The following USH2A variants were observed in gnomAD, a reference collection of about 807,000 sequenced individuals.
USH2A encodes the protein Usher syndrome 2A (autosomal recessive, mild).
USH2A carries 443 observed loss-of-function variants against 538.9 expected under a neutral mutation model. The ratio of observed to expected loss-of-function variants is 0.82; its 90% CI spans 0.76 to 0.89. The LOEUF is 0.89. Ranked by LOEUF, USH2A falls within the 40% of genes least tolerant of loss-of-function variation. The pLI is 0.00. For synonymous variants in USH2A, 2,413 were observed against 2,273.5 expected, an observed-to-expected ratio of 1.06 and a Z score of -1.75; for missense variants, 6,633 against 6,324.8, an observed-to-expected ratio of 1.05 and a Z score of -1.65.
chr1:216,335,223 G>T (rs1229812051), intron 4 of USH2A, among the ~76,000 whole-genome samples: 1 of 151,470 alleles, frequency 6.6e-6, no homozygotes, highest in Non-Finnish European at 1.5e-5. Context: ...ATTACAAAAA[G>T]ATTTAAAAAT....
rs544931556 is a variant in USH2A at position 216,382,149 on chromosome 1, AAAT to A, written c.652-17067_652-17065del. Among the ~76,000 whole-genome samples, 1,056 of 152,284 alleles carry A rather than the reference AAAT, an allele frequency of 6.9e-3. 9 individuals are homozygous for A. Among genetic ancestry groups the A allele is most frequent in the African/African-American group, 0.024 (1,011 of 41,552 alleles). ...GCCGAGCCCTGAAGGGAACAACACTAAATAAGGTAAAATTCTTGATCTAAAAGT... is the reference window on the plus strand; with the variant it reads ...GCCGAGCCCTGAAGGGAACAACACTAAAGGTAAAATTCTTGATCTAAAAGT... On this transcript the variant is annotated intron_variant, in intron 3 of 71. Transcript: ENST00000307340.
At chr1:216,200,251 C>G in intron 16 of USH2A, 130 bp from the exon 17 acceptor site, 1 of 991,034 alleles carries the variant, frequency 1.0e-6, no homozygotes, top group Non-Finnish European at 1.4e-6. Context: ...ATTAAGGATA[C>G]ATTTCATATT....
intron 32 of USH2A, among the ~76,000 whole-genome samples, chr1:216,044,235 G>A (rs72744694): frequency 0.051 from 7,704 of 152,192 alleles, 278 homozygotes; most frequent in South Asian, 0.089. Flanking sequence ...TGTGTCACAC[G>A]TGGGGAGCAA....
At chr1:216,117,851 G>GAT (rs71159902) in intron 21 of USH2A, among the ~76,000 whole-genome samples, 52,520 of 148,538 alleles carry the variant, frequency 0.35, 10,108 homozygotes, top group East Asian at 0.73. Context: ...TACACACACA[G>GAT]ATATATATAT....
chr1:215,799,774 C>T (rs940470061), intron 49 of USH2A, among the ~76,000 whole-genome samples: 10 of 151,952 alleles, frequency 6.6e-5, no homozygotes, highest in Non-Finnish European at 1.0e-4. Context: ...TAACTTGAGG[C>T]CAGGAGTTCA....
At chr1:215,803,661 A>G (rs1662405394) in intron 49 of USH2A, among the ~76,000 whole-genome samples, 1 of 152,228 alleles carries the variant, frequency 6.6e-6, no homozygotes, top group South Asian at 2.1e-4. Context: ...AGAACATTCC[A>G]TGCTCATGGG....
At chr1:216,073,330 T>C in intron 27 of USH2A, 30 bp from the exon 28 acceptor site, 2 of 1,528,158 alleles carry the variant, frequency 1.3e-6, no homozygotes, top group South Asian at 2.3e-5. Flanking sequence ...TAGTATCGCA[T>C]AAAGGGCTTG....
intron 61 of USH2A, among the ~76,000 whole-genome samples, chr1:215,705,878 G>T (rs1659169447): frequency 6.6e-6 from 1 of 152,210 alleles, no homozygotes; most frequent in Non-Finnish European, 1.5e-5. Flanking sequence ...AGACACATCT[G>T]ACTACTATAT....
intron 37 of USH2A, among the ~76,000 whole-genome samples, chr1:215,942,007 A>G (rs587954): frequency 0.91 from 138,228 of 152,064 alleles, 63,079 homozygotes; most frequent in African/African-American, 0.98. Context: ...AGTCTGGCAC[A>G]GCTAACTGGG....
intron 21 of USH2A, among the ~76,000 whole-genome samples, chr1:216,110,457 A>C (rs2032839391): frequency 6.6e-6 from 1 of 152,232 alleles, no homozygotes. Flanking sequence ...AAAACTAGAG[A>C]AAATAAACAG....
intron 11 of USH2A, among the ~76,000 whole-genome samples, chr1:216,254,824 G>T (rs2036229916): frequency 2.0e-5 from 3 of 152,132 alleles, no homozygotes; most frequent in Admixed American, 2.0e-4. Context: ...GTGCACACCA[G>T]CACTGAGCCA....
intron 55 of USH2A, among the ~76,000 whole-genome samples, chr1:215,776,303 G>A (rs762446356): frequency 6.6e-6 from 1 of 152,134 alleles, no homozygotes; most frequent in African/African-American, 2.4e-5. Flanking sequence ...AGCAGAAAAC[G>A]CTTCAGTTTA....
intron 4 of USH2A, among the ~76,000 whole-genome samples, chr1:216,362,579 T>G (rs1210619536): frequency 1.3e-5 from 2 of 152,148 alleles, no homozygotes; most frequent in Non-Finnish European, 2.9e-5. Context: ...AAAATGACCA[T>G]ATACTTCAAC....
intron 69 of USH2A, among the ~76,000 whole-genome samples, chr1:215,636,615 C>G (rs1656501943): frequency 1.3e-5 from 2 of 152,164 alleles, no homozygotes; most frequent in African/African-American, 4.8e-5. Context: ...CTGATGGGCC[C>G]AGTGGGCCCC....
intron 60 of USH2A, among the ~76,000 whole-genome samples, chr1:215,735,763 G>T (rs1175226447): frequency 6.6e-6 from 1 of 152,056 alleles, no homozygotes; most frequent in East Asian, 1.9e-4. Flanking sequence ...CAGGCATACT[G>T]TTATGCAAGC....
At chr1:216,140,561 A>C (rs1234318871) in intron 21 of USH2A, among the ~76,000 whole-genome samples, 1 of 152,168 alleles carries the variant, frequency 6.6e-6, no homozygotes, top group African/African-American at 2.4e-5. Flanking sequence ...TAGAACTCCA[A>C]TTTGATCTCA....
At chr1:216,098,217 AG>A (rs2032492866) in intron 21 of USH2A, among the ~76,000 whole-genome samples, 1 of 152,210 alleles carries the variant, frequency 6.6e-6, no homozygotes, top group South Asian at 2.1e-4. Flanking sequence ...GCCCTGTATA[AG>A]GCTTTTTGCT....
At chr1:216,125,298 A>G in intron 21 of USH2A, among the ~76,000 whole-genome samples, 1 of 151,700 alleles carries the variant, frequency 6.6e-6, no homozygotes, top group East Asian at 1.9e-4. Flanking sequence ...CGTTATCTAA[A>G]ACTCAAACAA....
At position 216,198,484 on chromosome 1, in the gene USH2A, AC is replaced by A. The variant is rs2102464224; in HGVS notation, c.3911del (p.Ser1304IlefsTer6). The A allele has an allele frequency of 1.2e-6, 2 of 1,614,040 alleles. No homozygotes were observed. Among genetic ancestry groups the A allele is most frequent in the Non-Finnish European group, 1.7e-6 (2 of 1,179,974 alleles). ...TGGCCGATTCTACAAATGAATGAGG[AC>A]TGAGCCAACCACTGCTCTGAAAAAC... is the stretch of plus-strand genomic sequence containing the variant. Reference protein sequence around the residue: ...SRVFQSSGWLSPHSFVESANE... With the variant: ...SRVFQSSGWLXPHSFVESANE... On this transcript the variant is annotated frameshift_variant, in exon 18 of 72. Transcript: ENST00000307340. LOFTEE classifies it high-confidence loss of function.
Sources: allele counts gnomAD v4.1 joint callset (sites outside exome capture counted in the v4.1 genomes callset), GRCh38; gene constraint gnomAD v4.1.1; transcripts MANE v1.5; gene names NCBI Gene and HGNC (gene_info 2026-07-23, HGNC 2026-07-21).